The following SLK variants were observed in gnomAD, a reference collection of about 807,000 sequenced individuals.
SLK encodes the protein STE20-like serine/threonine-protein kinase.
In SLK, 67 loss-of-function variants were observed where a neutral mutation model predicts 147.7. The ratio of observed to expected loss-of-function variants is 0.45; its 90% confidence interval spans 0.37 to 0.56. SLK has a LOEUF of 0.56. Ranked by LOEUF, SLK falls within the 20% of genes least tolerant of loss-of-function variation. The probability of loss-of-function intolerance (pLI) is 0.00; values close to 1 mark genes in which losing one functional copy is unlikely to be tolerated. For synonymous variants in SLK, 441 were observed against 475.0 expected (o/e 0.93, Z 0.93); for missense variants, 1,136 against 1,438.8 (o/e 0.79, Z 3.41).
chr10:104,023,973 C>T (rs1455386047), intron 18 of SLK, among the ~76,000 whole-genome samples: 1 of 152,142 alleles, frequency 6.6e-6, no homozygotes, highest in African/African-American at 2.4e-5. Context: ...TCCATCTCAC[C>T]TTTCCCCACT....
intron 18 of SLK, among the ~76,000 whole-genome samples, chr10:104,024,699 C>T (rs968863421): frequency 1.3e-5 from 2 of 152,206 alleles, no homozygotes; most frequent in African/African-American, 4.8e-5. Context: ...CTCTACAGCA[C>T]CACTTATCCC....
At chr10:103,979,168 A>G (rs1843909342) in intron 1 of SLK, among the ~76,000 whole-genome samples, 1 of 152,138 alleles carries the variant, frequency 6.6e-6, no homozygotes, top group East Asian at 1.9e-4. Flanking sequence ...GGCGCCCGCC[A>G]CCACACCCAG....
Position 103,992,573 on chromosome 10 carries a change from CTTTTTT to C in SLK, c.316-14_316-9del. ...AACTCCATGTAGTTTTAGACACACG[CTTTTTT>C]TTTTTTTTTTGCATGCAGATCCTCA... On this transcript the variant is annotated intron_variant, in intron 2 of 18. Coordinates refer to ENST00000369755, the MANE Select transcript of SLK (RefSeq NM_014720.4). 52 of 1,215,810 alleles carry C rather than the reference CTTTTTT, an allele frequency of 4.3e-5. No homozygotes were observed. The highest frequency in any genetic ancestry group is 2.8e-4 in the Admixed American group (8 of 28,816). 75.3% of individuals were successfully genotyped at this position (1,215,810 alleles called of 1,614,324 possible). A position where few individuals can be genotyped will look rare whatever the true frequency, so the allele number is the denominator to read the frequency against.
intron 13 of SLK, among the ~76,000 whole-genome samples, chr10:104,016,250 C>T (rs959783315): frequency 1.1e-4 from 17 of 151,224 alleles, no homozygotes; most frequent in African/African-American, 2.7e-4. Flanking sequence ...ACCCGGGAGG[C>T]GGAGCTTGCA....
intron 13 of SLK, 74 bp from the exon 14 acceptor site, chr10:104,018,086 T>C: frequency 3.2e-6 from 4 of 1,245,976 alleles, no homozygotes; most frequent in Non-Finnish European, 4.4e-6. Flanking sequence ...ACCACTAATA[T>C]ATACAGCCAT....
chr10:104,010,780 T>C (rs746377485), intron 12 of SLK, 36 bp from the exon 13 acceptor site: 1 of 1,323,034 alleles, frequency 7.6e-7, no homozygotes, highest in South Asian at 1.5e-5. Context: ...GGAGAAAGTA[T>C]CATTTCCCCA....
At chr10:104,007,847 G>T (rs1313708832) in intron 11 of SLK, among the ~76,000 whole-genome samples, 2 of 151,904 alleles carry the variant, frequency 1.3e-5, no homozygotes, top group African/African-American at 4.8e-5. Flanking sequence ...AGCTACTTGG[G>T]AGGCTGAAGC....
intron 4 of SLK, among the ~76,000 whole-genome samples, chr10:103,995,157 G>T (rs967373581): frequency 1.3e-5 from 2 of 152,018 alleles, no homozygotes; most frequent in African/African-American, 4.8e-5. Flanking sequence ...CTCAATTGAT[G>T]ACCAGTGTTT....
chr10:103,976,693 C>A (rs555586073), intron 1 of SLK, among the ~76,000 whole-genome samples: 1 of 152,216 alleles, frequency 6.6e-6, no homozygotes, highest in East Asian at 1.9e-4. Context: ...TTACTACAAT[C>A]CAGCTTTGGA....
At chr10:104,001,914 C>T (rs1844253357) in intron 8 of SLK, among the ~76,000 whole-genome samples, 1 of 152,148 alleles carries the variant, frequency 6.6e-6, no homozygotes, top group Admixed American at 6.5e-5. Context: ...TGGGGTTTCA[C>T]CATGTTGGCC....
chr10:104,012,817 T>C (rs1844416955), intron 13 of SLK, among the ~76,000 whole-genome samples: 1 of 152,250 alleles, frequency 6.6e-6, no homozygotes, highest in Non-Finnish European at 1.5e-5. Context: ...GCCACACATG[T>C]ACTTTTGGTT....
chr10:104,018,840 C>G lies in SLK; in HGVS notation c.3064C>G (p.Leu1022Val), dbSNP rs779405826. Residue 1022 changes from leucine to valine, a missense_variant, in exon 15 of 19, where the codon CTG (leucine) becomes GTG (valine). Physicochemically the swap from Leu to Val is conservative, Grantham distance 32. Around this residue, in one of 6 missense-constraint regions of SLK, gnomAD observed 327 missense variants for 457.5 expected, o/e 0.71. Transcript: ENST00000369755. Reference protein sequence around the residue: ...EERHLQEKHQLLKQQLKDQYF... With the variant: ...EERHLQEKHQVLKQQLKDQYF... ...ACGACACTTACAAGAAAAACACCAG[C>G]TGCTCAAACAGCAGCTTAAAGATCA... is the stretch of plus-strand genomic sequence containing the variant. 4 of 1,613,390 alleles carry G rather than the reference C, an allele frequency of 2.5e-6. No individual in the cohort carries two copies. Among genetic ancestry groups the G allele is most frequent in the Non-Finnish European group, 2.5e-6 (3 of 1,179,756 alleles).
intron 12 of SLK, among the ~76,000 whole-genome samples, 179 bp downstream of exon 12, chr10:104,008,535 A>G (rs1340178209): frequency 6.6e-6 from 1 of 152,148 alleles, no homozygotes; most frequent in African/African-American, 2.4e-5. Context: ...CATTATTCCC[A>G]TTTTACTGCC....
At chr10:103,977,610 C>CA (rs1173089986) in intron 1 of SLK, among the ~76,000 whole-genome samples, 2 of 152,188 alleles carry the variant, frequency 1.3e-5, no homozygotes, top group African/African-American at 4.8e-5. Context: ...GACCTCGTCT[C>CA]AAACAACAAC....
Position 104,010,919 on chromosome 10 carries a change from C to A in SLK, c.2877+11C>A. ...AGCCAGCATGCTCAGGTAACAGCAG[C>A]AGCTTAATGCTACTAAAACCAGAAA... On this transcript the variant is annotated intron_variant, in intron 13 of 18. Transcript: ENST00000369755. 1 of 1,528,632 alleles carries A rather than the reference C, an allele frequency of 6.5e-7. No homozygotes were observed. Among genetic ancestry groups the A allele is most frequent in the Non-Finnish European group, 8.8e-7 (1 of 1,137,682 alleles). 94.7% of individuals were successfully genotyped at this position (1,528,632 alleles called of 1,614,324 possible).
chr10:104,026,003 A>C lies in SLK; in HGVS notation c.*283A>C, dbSNP rs1844593728. 1 of 278,182 alleles carries C rather than the reference A, an allele frequency of 3.6e-6. No homozygotes were observed. The highest frequency in any genetic ancestry group is 6.7e-6 in the Non-Finnish European group (1 of 150,134). 17.2% of individuals were successfully genotyped at this position (278,182 alleles called of 1,614,324 possible). ...ATGTTCTTTAGACACTGCTACCTGA[A>C]AACTGTTGGAGAAATAATGTTTAAA... On this transcript the variant is annotated 3_prime_UTR_variant, in exon 19 of 19. Transcript: ENST00000369755.
intron 13 of SLK, among the ~76,000 whole-genome samples, chr10:104,016,842 A>G (rs1168035421): frequency 6.6e-6 from 1 of 152,176 alleles, no homozygotes; most frequent in African/African-American, 2.4e-5. Flanking sequence ...GAATAGTTCC[A>G]AAATGCATCT....
intron 18 of SLK, among the ~76,000 whole-genome samples, chr10:104,024,674 T>G (rs918315038): frequency 2.0e-5 from 3 of 152,316 alleles, no homozygotes; most frequent in Non-Finnish European, 4.4e-5. Flanking sequence ...TTCCTTCTTT[T>G]CCTGTGCTTT....
intron 11 of SLK, among the ~76,000 whole-genome samples, chr10:104,006,429 C>G (rs896445958): frequency 6.6e-6 from 1 of 152,138 alleles, no homozygotes; most frequent in Non-Finnish European, 1.5e-5. Context: ...GCCTTCAAAC[C>G]TAGCTGAGCA....
Sources: gnomAD v4.1 joint callset for allele counts (sites outside exome capture counted in the v4.1 genomes callset) on GRCh38, gnomAD v4.1.1 for gene constraint, gnomAD v4.1.1 regional missense constraint, MANE v1.5 for transcripts, NCBI Gene and HGNC (gene_info 2026-07-23, HGNC 2026-07-21) for gene names.